The following PCDH9 variants were observed in gnomAD, a reference collection of about 807,000 sequenced individuals.
PCDH9 encodes protocadherin-9.
A neutral mutation model predicts 70.6 loss-of-function variants in PCDH9; 24 were observed. The observed-to-expected ratio is 0.34, with a 90% CI of 0.25 to 0.48. PCDH9 has a LOEUF of 0.48. Among genes scored for constraint, PCDH9 ranks in the 20% least tolerant of loss-of-function variants. The pLI, the probability that PCDH9 is intolerant of heterozygous loss-of-function variation, is 0.99. For synonymous variants in PCDH9, 562 were observed against 558.5 expected (o/e 1.01, Z -0.09); for missense variants, 1,281 against 1,503.6 (o/e 0.85, Z 2.45).
chr13:66,946,395 C>G (rs1170553113), intron 2 of PCDH9, among the ~76,000 whole-genome samples: 1 of 152,082 alleles, frequency 6.6e-6, no homozygotes, highest in East Asian at 1.9e-4. Flanking sequence ...CAAGGCTGGG[C>G]ATGGTGGCTT....
intron 2 of PCDH9, among the ~76,000 whole-genome samples, chr13:67,037,500 T>C (rs1010597145): frequency 3.9e-5 from 6 of 152,238 alleles, no homozygotes; most frequent in Non-Finnish European, 8.8e-5. Flanking sequence ...CTGGCTATCC[T>C]TGTGAATTAT....
chr13:66,419,406 G>A (rs930454790), intron 4 of PCDH9, among the ~76,000 whole-genome samples: 3 of 151,958 alleles, frequency 2.0e-5, no homozygotes, highest in Admixed American at 6.6e-5. Context: ...AGCTCCCAGC[G>A]AGACAAACCC....
chr13:66,349,383 T>C (rs1458358353), intron 4 of PCDH9, among the ~76,000 whole-genome samples: 2 of 152,212 alleles, frequency 1.3e-5, no homozygotes, highest in Non-Finnish European at 2.9e-5. Flanking sequence ...CTGTAGGATA[T>C]TTGAGACCCA....
intron 4 of PCDH9, among the ~76,000 whole-genome samples, chr13:66,349,800 C>T (rs764385101): frequency 6.6e-6 from 1 of 152,086 alleles, no homozygotes; most frequent in African/African-American, 2.4e-5. Context: ...TCGTGAAAGC[C>T]GCATGTCTTA....
intron 3 of PCDH9, among the ~76,000 whole-genome samples, chr13:66,657,685 C>T (rs184317785): frequency 3.7e-4 from 56 of 152,180 alleles, no homozygotes; most frequent in South Asian, 1.7e-3. Flanking sequence ...TCTAAGAACT[C>T]GTGGAAATAG....
chr13:66,321,071 A>T (rs1434660908), intron 4 of PCDH9, among the ~76,000 whole-genome samples: 1 of 152,014 alleles, frequency 6.6e-6, no homozygotes, highest in Non-Finnish European at 1.5e-5. Context: ...AGCTTAAGAC[A>T]TATACCAGGC....
At chr13:66,413,043 A>G (rs1172690338) in intron 4 of PCDH9, among the ~76,000 whole-genome samples, 1 of 152,176 alleles carries the variant, frequency 6.6e-6, no homozygotes, top group Non-Finnish European at 1.5e-5. Context: ...ACCTAATTCC[A>G]AGTACATTGT....
intron 3 of PCDH9, among the ~76,000 whole-genome samples, chr13:66,689,952 C>A (rs562310512): frequency 6.6e-6 from 1 of 152,124 alleles, no homozygotes; most frequent in East Asian, 1.9e-4. Flanking sequence ...ATTATCTTTT[C>A]AATTAAAAGA....
intron 3 of PCDH9, among the ~76,000 whole-genome samples, chr13:66,893,994 A>C (rs1281038450): frequency 1.3e-5 from 2 of 152,164 alleles, no homozygotes; most frequent in African/African-American, 4.8e-5. Context: ...AAAATCCATT[A>C]GTTATTTCAT....
intron 2 of PCDH9, among the ~76,000 whole-genome samples, chr13:67,024,640 G>A (rs1426809346): frequency 6.6e-6 from 1 of 151,916 alleles, no homozygotes; most frequent in African/African-American, 2.4e-5. Flanking sequence ...CTGGTAGCTT[G>A]AAATTGGCCA....
At chr13:67,119,625 A>G (rs554425284) in intron 2 of PCDH9, among the ~76,000 whole-genome samples, 4 of 152,272 alleles carry the variant, frequency 2.6e-5, no homozygotes, top group African/African-American at 9.6e-5. Flanking sequence ...AAAATGACAT[A>G]AATTTGTTTT....
At chr13:66,542,853 A>G (rs1961025294) in intron 4 of PCDH9, among the ~76,000 whole-genome samples, 1 of 149,032 alleles carries the variant, frequency 6.7e-6, no homozygotes, top group Non-Finnish European at 1.5e-5. Flanking sequence ...AGAACCCTAT[A>G]CAACTATTAT....
chr13:66,790,931 T>C (rs939691807), intron 3 of PCDH9, among the ~76,000 whole-genome samples: 1 of 152,158 alleles, frequency 6.6e-6, no homozygotes, highest in Non-Finnish European at 1.5e-5. Flanking sequence ...GTTACATTTC[T>C]ATAAATAATC....
chr13:66,917,921 A>G (rs932825775), intron 2 of PCDH9, among the ~76,000 whole-genome samples: 2 of 151,228 alleles, frequency 1.3e-5, no homozygotes, highest in Admixed American at 1.3e-4. Flanking sequence ...TCCCCTACAA[A>G]ACAGGTACAT....
At chr13:66,767,771 T>C (rs2079742087) in intron 3 of PCDH9, among the ~76,000 whole-genome samples, 1 of 152,130 alleles carries the variant, frequency 6.6e-6, no homozygotes, top group Non-Finnish European at 1.5e-5. Context: ...ATCTTGTCTA[T>C]GGAGCAATTT....
At chr13:66,717,382 G>A (rs1264434163) in intron 3 of PCDH9, among the ~76,000 whole-genome samples, 1 of 136,382 alleles carries the variant, frequency 7.3e-6, no homozygotes, top group Admixed American at 7.9e-5. Context: ...AACCCAGGAG[G>A]CAGAGGTTCT....
chr13:67,068,488 C>T (rs183975892), intron 2 of PCDH9, among the ~76,000 whole-genome samples: 98 of 152,142 alleles, frequency 6.4e-4, no homozygotes, highest in African/African-American at 2.1e-3. Context: ...TTAGGAGCTA[C>T]ATAGTTATTA....
intron 2 of PCDH9, among the ~76,000 whole-genome samples, chr13:67,080,005 A>T (rs2085952739): frequency 6.6e-6 from 1 of 152,148 alleles, no homozygotes; most frequent in Non-Finnish European, 1.5e-5. Flanking sequence ...AGGCCAAATC[A>T]ATGTACACCT....
At chr13:66,694,540 G>A (rs1466175736) in intron 3 of PCDH9, among the ~76,000 whole-genome samples, 1 of 152,026 alleles carries the variant, frequency 6.6e-6, no homozygotes, top group Admixed American at 6.5e-5. Context: ...ATAGGAAATA[G>A]CATCATTATA....
Sources: allele counts gnomAD v4.1 joint callset (sites outside exome capture counted in the v4.1 genomes callset), GRCh38; gene constraint gnomAD v4.1.1; transcripts MANE v1.5; gene names NCBI Gene and HGNC (gene_info 2026-07-23, HGNC 2026-07-21).